The following DLGAP1 variants were observed in gnomAD, a reference collection of about 807,000 sequenced individuals.
DLGAP1 encodes disks large-associated protein 1.
In DLGAP1, 11 loss-of-function variants were observed where a neutral mutation model predicts 90.8. The ratio of observed to expected loss-of-function variants is 0.12; its 90% CI spans 0.08 to 0.20. The LOEUF is 0.20. Among genes scored for constraint, DLGAP1 ranks in the 10% least tolerant of loss-of-function variants. The pLI, the probability that DLGAP1 is intolerant of heterozygous loss-of-function variation, is 1.00. For synonymous variants in DLGAP1, 558 were observed against 540.7 expected (o/e 1.03, Z -0.44); for missense variants, 1,050 against 1,333.8 (o/e 0.79, Z 3.31).
chr18:3,943,696 G>C (rs890832118), intron 3 of DLGAP1, among the ~76,000 whole-genome samples: 2 of 152,078 alleles, frequency 1.3e-5, no homozygotes, highest in African/African-American at 4.8e-5. Flanking sequence ...CATCTATTTG[G>C]GTTTGTGTCC....
At position 4,272,439 on chromosome 18, in the gene DLGAP1, C is replaced by T. The variant is rs550475102; in HGVS notation, c.-266-121152G>A. 2.1e-4 allele frequency among the ~76,000 whole-genome samples: 32 copies of T among 152,292 alleles called. 1 individual carries two copies. The highest frequency in any genetic ancestry group is 6.7e-4 in the African/African-American group (28 of 41,552). On this transcript the variant is annotated intron_variant, in intron 1 of 12. Coordinates refer to ENST00000315677, the MANE Select transcript of DLGAP1 (RefSeq NM_004746.4). ...TATCTCACTAAATAGTATCCCTGAGCTAAAACTCCCTGTCAACCATGCAGA... is the reference window on the plus strand; with the variant it reads ...TATCTCACTAAATAGTATCCCTGAGTTAAAACTCCCTGTCAACCATGCAGA...
chr18:3,498,813 T>G lies in DLGAP1; in HGVS notation c.*372A>C. 2 of 213,964 alleles carry G rather than the reference T, an allele frequency of 9.3e-6. No homozygotes were observed. Among genetic ancestry groups the G allele is most frequent in the Non-Finnish European group, 1.8e-5 (2 of 109,290 alleles). The allele number at this position is 213,964 out of a possible 1,614,324, so 13.3% of individuals were successfully genotyped here. The stretch of plus-strand genomic sequence containing the variant: ...GATACTGGATTTCTGAAATACCCTA[T>G]GGTTTTATATTGCTGAACAGACTAG... On this transcript the variant is annotated 3_prime_UTR_variant, in exon 13 of 13. Coordinates refer to ENST00000315677, the MANE Select transcript of DLGAP1 (RefSeq NM_004746.4).
At chr18:4,369,448 TACC>T (rs2144193936) in intron 1 of DLGAP1, among the ~76,000 whole-genome samples, 1 of 152,342 alleles carries the variant, frequency 6.6e-6, no homozygotes, top group South Asian at 2.1e-4. Context: ...ATGCCTTCGT[TACC>T]ACAACTGTTA....
chr18:4,405,017 T>C lies in DLGAP1; in HGVS notation c.-267+49989A>G, dbSNP rs547501136. On this transcript the variant is annotated intron_variant, in intron 1 of 12. Coordinates refer to ENST00000315677, the MANE Select transcript of DLGAP1 (RefSeq NM_004746.4). ...GTGGTAGAGAATGGTACCTTCATTG[T>C]ACGGGGAAAGAACAAGAATATAAGC... 2.0e-5 allele frequency among the ~76,000 whole-genome samples: 3 copies of C among 152,344 alleles called. No homozygotes were observed. In the South Asian group the frequency reaches 6.2e-4, roughly 32 times the overall value.
At chr18:4,118,317 G>A (rs566711846) in intron 2 of DLGAP1, among the ~76,000 whole-genome samples, 8 of 152,090 alleles carry the variant, frequency 5.3e-5, no homozygotes, top group Admixed American at 4.6e-4. Context: ...ACAAGAGCTG[G>A]GGGTAGAACC....
intron 10 of DLGAP1, among the ~76,000 whole-genome samples, chr18:3,522,967 C>A (rs537022334): frequency 2.0e-5 from 3 of 152,228 alleles, no homozygotes; most frequent in Admixed American, 1.3e-4. Flanking sequence ...TCAACATTAG[C>A]CTTGGCAATA....
chr18:3,796,861 C>T (rs532156920), intron 5 of DLGAP1, among the ~76,000 whole-genome samples: 1 of 152,290 alleles, frequency 6.6e-6, no homozygotes, highest in East Asian at 1.9e-4. Context: ...AGCTATTATA[C>T]TCAAAGATAG....
chr18:4,078,263 A>G (rs1400524038), intron 2 of DLGAP1, among the ~76,000 whole-genome samples: 6 of 152,312 alleles, frequency 3.9e-5, no homozygotes, highest in African/African-American at 1.2e-4. Flanking sequence ...AGCACCTACA[A>G]TCAATAACTG....
At chr18:3,523,708 G>A (rs549926562) in intron 10 of DLGAP1, among the ~76,000 whole-genome samples, 133 of 152,172 alleles carry the variant, frequency 8.7e-4, no homozygotes, top group Middle Eastern at 3.4e-3. Flanking sequence ...TTAGCCAGGC[G>A]TGGTGGCGTG....
chr18:3,602,331 C>G (rs9951486), intron 7 of DLGAP1, among the ~76,000 whole-genome samples: 3,355 of 152,164 alleles, frequency 0.022, 127 homozygotes, highest in African/African-American at 0.077. Flanking sequence ...CGCGGTGGCT[C>G]ACGCCTGTCA....
chr18:3,821,359 A>C (rs1419011169), intron 4 of DLGAP1, among the ~76,000 whole-genome samples: 1 of 150,764 alleles, frequency 6.6e-6, no homozygotes, highest in African/African-American at 2.4e-5. Flanking sequence ...AGAAATGTGC[A>C]TTTGTCTGAC....
intron 10 of DLGAP1, among the ~76,000 whole-genome samples, chr18:3,514,489 C>T (rs2050717770): frequency 6.6e-6 from 1 of 152,146 alleles, no homozygotes; most frequent in African/African-American, 2.4e-5. Context: ...ACATAGAACT[C>T]GTCACATTTT....
intron 5 of DLGAP1, among the ~76,000 whole-genome samples, chr18:3,756,143 G>A (rs867681148): frequency 2.6e-5 from 4 of 151,862 alleles, no homozygotes; most frequent in African/African-American, 4.8e-5. Context: ...TCCGCCTCCC[G>A]GGTTCACGCC....
At chr18:4,433,400 C>T (rs999262496) in intron 1 of DLGAP1, among the ~76,000 whole-genome samples, 1 of 152,098 alleles carries the variant, frequency 6.6e-6, no homozygotes, top group Non-Finnish European at 1.5e-5. Flanking sequence ...TCAATTATCT[C>T]GTAGAAATCA....
At chr18:4,140,519 T>C (rs775541118) in intron 2 of DLGAP1, among the ~76,000 whole-genome samples, 2 of 152,026 alleles carry the variant, frequency 1.3e-5, no homozygotes, top group African/African-American at 2.4e-5. Context: ...TATTTTTTGA[T>C]TGGTTCATCT....
chr18:3,788,108 C>G (rs1020071345), intron 5 of DLGAP1, among the ~76,000 whole-genome samples: 1 of 152,186 alleles, frequency 6.6e-6, no homozygotes, highest in African/African-American at 2.4e-5. Flanking sequence ...TTTACTACCC[C>G]TGTAAAAGCA....
chr18:3,578,360 A>AT (rs750251974), intron 8 of DLGAP1, among the ~76,000 whole-genome samples: 1,797 of 143,514 alleles, frequency 0.013, 20 homozygotes, highest in African/African-American at 0.035. Context: ...TGCGTCTTTA[A>AT]TTTTTTTTTT....
rs73376941 is a variant in DLGAP1, at chr18:4,259,856, A to G, written c.-266-108569T>C. 4.7e-3 allele frequency among the ~76,000 whole-genome samples: 715 copies of G among 152,320 alleles called. 7 individuals carry two copies. Among genetic ancestry groups the G allele is most frequent in the African/African-American group, 0.016 (674 of 41,570 alleles). The stretch of plus-strand genomic sequence containing the variant: ...AGACATTTCCAAACGCAAAACATCT[A>G]ATGTCCATCAGAATAATCTCTCTGT... On this transcript the variant is annotated intron_variant, in intron 1 of 12. Coordinates refer to ENST00000315677, the MANE Select transcript of DLGAP1 (RefSeq NM_004746.4).
At chr18:4,204,877 AT>A (rs66487258) in intron 1 of DLGAP1, among the ~76,000 whole-genome samples, 4,970 of 146,906 alleles carry the variant, frequency 0.034, 188 homozygotes, top group African/African-American at 0.095. Flanking sequence ...CCTTTTCCCA[AT>A]TTTTTTTTTT....
Sources: allele counts gnomAD v4.1 joint callset (sites outside exome capture counted in the v4.1 genomes callset), GRCh38; gene constraint gnomAD v4.1.1; transcripts MANE v1.5; gene names NCBI Gene and HGNC (gene_info 2026-07-23, HGNC 2026-07-21).